Variants in CDCA7 observed in about 807,000 individuals in gnomAD.
CDCA7 encodes the protein cell division cycle associated 7, also known as cell division cycle-associated protein 7.
A neutral mutation model predicts 54.0 loss-of-function variants in CDCA7; 28 were observed. That is an observed-to-expected ratio of 0.52 (90% CI 0.38 to 0.71). The LOEUF is 0.71. Ranked by LOEUF, CDCA7 falls within the 30% of genes least tolerant of loss-of-function variation. CDCA7 has a pLI of 0.00. For missense variants in CDCA7, 484 were observed against 586.0 expected, an observed-to-expected ratio of 0.83 and a Z score of 1.80; for synonymous variants, 180 against 208.2, an observed-to-expected ratio of 0.86 and a Z score of 1.16.
chr2:173,360,612 A>T (rs189966476), intron 3 of CDCA7, among the ~76,000 whole-genome samples: 3 of 152,192 alleles, frequency 2.0e-5, no homozygotes, highest in Non-Finnish European at 2.9e-5. Context: ...AGTAGCTGAG[A>T]CTACAGGCGT....
At chr2:173,357,816 A>G (rs141795713) in intron 1 of CDCA7, among the ~76,000 whole-genome samples, 2,688 of 152,288 alleles carry the variant, frequency 0.018, 76 homozygotes, top group African/African-American at 0.061. Flanking sequence ...AGGGGCTCAT[A>G]AAGGTGGGTT....
At chr2:173,359,865 G>GT (rs1574216215) in intron 3 of CDCA7, among the ~76,000 whole-genome samples, 1 of 152,310 alleles carries the variant, frequency 6.6e-6, no homozygotes, top group East Asian at 1.9e-4. Context: ...TTTGATAAAT[G>GT]TTGGTCTCAT....
chr2:173,364,298 C>G (rs1686677014), intron 5 of CDCA7: 1 of 167,634 alleles, frequency 6.0e-6, no homozygotes, highest in African/African-American at 2.4e-5. Flanking sequence ...CAAGTTGTAG[C>G]TTGGTATCAT....
At chr2:173,355,759 C>T (rs890398746) in intron 1 of CDCA7, among the ~76,000 whole-genome samples, 1 of 146,788 alleles carries the variant, frequency 6.8e-6, no homozygotes, top group Admixed American at 7.1e-5. Context: ...GAAGCCAGAA[C>T]GTAGGGTCGG....
chr2:173,358,538 A>G (rs544927184), intron 1 of CDCA7, 174 bp from the exon 2 acceptor site: 2 of 619,434 alleles, frequency 3.2e-6, no homozygotes, highest in Admixed American at 3.6e-5. Flanking sequence ...TCTTACAAAA[A>G]AAAGAAAGAA....
intron 6 of CDCA7, 113 bp downstream of exon 6, chr2:173,365,102 G>A: frequency 7.1e-6 from 10 of 1,399,846 alleles, no homozygotes; most frequent in Non-Finnish European, 9.3e-6. Flanking sequence ...CATAGTAAAT[G>A]TTTTCCTCTA....
chr2:173,361,070 CTTCT>C (rs1686611963), intron 3 of CDCA7, among the ~76,000 whole-genome samples: 1 of 152,086 alleles, frequency 6.6e-6, no homozygotes, highest in Non-Finnish European at 1.5e-5. Context: ...TTGTGACTGG[CTTCT>C]TTCACTTAGG....
rs1380509441 is a variant in CDCA7, at chr2:173,366,494, C to T, written c.1185+62C>T. On this transcript the variant is annotated intron_variant, in intron 8 of 9. Coordinates refer to ENST00000306721, the MANE Select transcript of CDCA7 (RefSeq NM_031942.5). This position sits in a 1 kb window ranked among gnomAD's most constrained non-coding sequence, Gnocchi z 4.5. ...AGGTCAGCCACAAACTGTGATGAGG[C>T]CAGAAAAAGGCATTGGTGAAGGGGT... 1.9e-6 allele frequency: 3 copies of T among 1,582,644 alleles called. No homozygotes were observed. The Admixed American group carries it at 5.5e-5, about 29-fold the overall frequency.
intron 1 of CDCA7, among the ~76,000 whole-genome samples, chr2:173,357,204 T>C (rs957542117): frequency 6.6e-6 from 1 of 152,246 alleles, no homozygotes; most frequent in African/African-American, 2.4e-5. Context: ...CTATCCTTTT[T>C]TTATACAAGA....
In CDCA7 at chr2:173,367,767, T is replaced by C. The variant is rs193054268; in HGVS notation, c.*103T>C. ...GAGTTAAAAATCTTGATGATCAGCC[T>C]GTTTCATAAGAAACTCCAATCAAGT... On this transcript the variant is annotated 3_prime_UTR_variant, in exon 10 of 10. Coordinates refer to ENST00000306721, the MANE Select transcript of CDCA7 (RefSeq NM_031942.5). 14 of 1,216,130 alleles carry C rather than the reference T, an allele frequency of 1.2e-5. No individual in the cohort carries two copies. In the African/African-American group the frequency reaches 1.2e-4, roughly 10 times the overall value. The allele number at this position is 1,216,130 out of a possible 1,614,324, so 75.3% of individuals were successfully genotyped here.
At position 173,368,315 on chromosome 2, in the gene CDCA7, T is replaced by C. The variant is rs1686760719; in HGVS notation, c.*651T>C. 1 of 152,242 alleles carries C rather than the reference T, an allele frequency of 6.6e-6. No homozygotes were observed. Among genetic ancestry groups the C allele is most frequent in the African/African-American group, 2.4e-5 (1 of 41,456 alleles). 9.4% of individuals were successfully genotyped at this position (152,242 alleles called of 1,614,324 possible). A position where few individuals can be genotyped will look rare whatever the true frequency, so the allele number is the denominator to read the frequency against. ...TAAGTGGTGCGTCCAGCTTACACAA[T>C]CATAATTCAAAGGTTGGTGGGCAAT... On this transcript the variant is annotated 3_prime_UTR_variant, in exon 10 of 10. Transcript: ENST00000306721.
In CDCA7 at chr2:173,357,959, G is replaced by C. The variant is rs1032336560; in HGVS notation, c.22-753G>C. Among the ~76,000 whole-genome samples, 6 of 152,140 alleles carry C rather than the reference G, an allele frequency of 3.9e-5. No homozygotes were observed. In the East Asian group the frequency reaches 7.7e-4, roughly 20 times the overall value. On this transcript the variant is annotated intron_variant, in intron 1 of 9. Transcript: ENST00000306721. ...CTCACGCCTGTAATCCCAGCACTTTGGGAGGCCGAGGCAGGCAGATCACGA... is the reference window on the plus strand; with the variant it reads ...CTCACGCCTGTAATCCCAGCACTTTCGGAGGCCGAGGCAGGCAGATCACGA...
chr2:173,355,571 TA>T (rs1210290325), intron 1 of CDCA7, among the ~76,000 whole-genome samples: 1 of 152,170 alleles, frequency 6.6e-6, no homozygotes, highest in Non-Finnish European at 1.5e-5. Context: ...GAAGCGACCG[TA>T]GTCCCGGGCG....
chr2:173,365,003 A>G lies in CDCA7; in HGVS notation c.894+14A>G, dbSNP rs13382180. ...GGCTACATGAATGTGAGTTCTCCGC[A>G]TTGGTACTTGCTCTTCTGATTCTCA... On this transcript the variant is annotated intron_variant, in intron 6 of 9. Coordinates refer to ENST00000306721, the MANE Select transcript of CDCA7 (RefSeq NM_031942.5). 0.068 allele frequency: 105,742 copies of G among 1,557,996 alleles called. 7,670 individuals carry two copies. Among genetic ancestry groups the G allele is most frequent in the East Asian group, 0.29 (12,773 of 43,450 alleles).
rs761993945 is a variant in CDCA7, at chr2:173,363,421, T to C, written c.580T>C (p.Leu194=). 1 of 1,614,182 alleles carries C rather than the reference T, an allele frequency of 6.2e-7. No individual in the cohort carries two copies. Among genetic ancestry groups the C allele is most frequent in the Admixed American group, 1.7e-5 (1 of 60,020 alleles). ...DSEDESGMNF[L]EKRALNIKQN... is the part of the protein sequence containing the mutation. ...AGAAGATGAAAGTGGAATGAATTTT[T>C]TGGAGAAAAGGGCTTTAAATATAAA... Residue 194 remains leucine, a synonymous_variant, in exon 4 of 10, where the codon TTG becomes CTG. Transcript: ENST00000306721.
At position 173,363,580 on chromosome 2, in the gene CDCA7, G is replaced by A; in HGVS notation, c.621+118G>A. ...GTTACATGAATAAAAAGTTATTTTTGTTTACCTGTGAAGTCTTCAATGTGT... is the reference window on the plus strand; with the variant it reads ...GTTACATGAATAAAAAGTTATTTTTATTTACCTGTGAAGTCTTCAATGTGT... On this transcript the variant is annotated intron_variant, in intron 4 of 9. Transcript: ENST00000306721. 3.7e-6 allele frequency: 4 copies of A among 1,084,396 alleles called. No individual in the cohort carries two copies. The South Asian group carries it at 6.1e-5, about 17-fold the overall frequency. The allele number at this position is 1,084,396 out of a possible 1,614,324, so 67.2% of individuals were successfully genotyped here.
At chr2:173,367,129 C>T (rs1686739264) in intron 8 of CDCA7, 21 bp from the exon 9 acceptor site, 8 of 1,559,170 alleles carry the variant, frequency 5.1e-6, no homozygotes, top group Non-Finnish European at 6.1e-6. Context: ...TTAATTGTGC[C>T]GTTTGACAAT....
Position 173,359,267 on chromosome 2 carries a change from A to G in CDCA7, c.160A>G (p.Arg54Gly). The change falls in exon 3 of 10, where the codon AGG (arginine) becomes GGG (glycine). Residue 54 changes from arginine to glycine, a missense_variant. Arg to Gly is a moderately radical substitution (Grantham distance 125, BLOSUM62 -2). Transcript: ENST00000306721. ...ATTTATTTTACAGAAACCTAAATTC[A>G]GGTCAGATATCAGTGAAGAACTGGC... The part of the protein sequence containing the change: ...DNFANTKPKF[R>G]SDISEELANV... 1.2e-6 allele frequency: 2 copies of G among 1,611,066 alleles called. No individual in the cohort carries two copies. The highest frequency in any genetic ancestry group is 1.7e-6 in the Non-Finnish European group (2 of 1,178,462).
intron 9 of CDCA7, 35 bp from the exon 10 acceptor site, chr2:173,367,599 C>T: frequency 6.2e-7 from 1 of 1,612,736 alleles, no homozygotes; most frequent in Non-Finnish European, 8.5e-7. Context: ...TGGTTGAAAA[C>T]TATGTCCTGA....
Sources: gnomAD v4.1 joint callset for allele counts (sites outside exome capture counted in the v4.1 genomes callset) on GRCh38, gnomAD v4.1.1 for gene constraint, Gnocchi (gnomAD v3.1) non-coding constraint, MANE v1.5 for transcripts, NCBI Gene and HGNC (gene_info 2026-07-23, HGNC 2026-07-21) for gene names.